The following ANKRD28 variants were observed in gnomAD, a reference collection of about 807,000 sequenced individuals.
ANKRD28 encodes the protein serine/threonine-protein phosphatase 6 regulatory ankyrin repeat subunit A.
Under a neutral mutation model 126.5 loss-of-function variants are expected in ANKRD28, and 44 were observed. That is an observed-to-expected ratio of 0.35 (90% CI 0.27 to 0.45). The LOEUF (loss-of-function observed/expected upper bound fraction) is 0.45, where lower values mean the gene tolerates loss of function less well. Ranked by LOEUF, ANKRD28 falls within the 20% of genes least tolerant of loss-of-function variation. The probability of loss-of-function intolerance (pLI) is 1.00; values close to 1 mark genes in which losing one functional copy is unlikely to be tolerated. For synonymous variants in ANKRD28, 442 were observed against 468.5 expected (o/e 0.94, Z 0.73); for missense variants, 1,110 against 1,316.6 (o/e 0.84, Z 2.43).
At chr3:15,856,579 G>GA (rs907269679) in intron 1 of ANKRD28, among the ~76,000 whole-genome samples, 3 of 151,746 alleles carry the variant, frequency 2.0e-5, no homozygotes, top group South Asian at 4.2e-4. Flanking sequence ...CCTATAAACA[G>GA]AAAAAAAATT....
At chr3:15,818,371 C>A (rs989440636) in intron 1 of ANKRD28, among the ~76,000 whole-genome samples, 2 of 152,128 alleles carry the variant, frequency 1.3e-5, no homozygotes, top group African/African-American at 4.8e-5. Flanking sequence ...GTTTCATGCA[C>A]AAATTTAAAA....
chr3:15,682,500 A>G (rs985296765), intron 21 of ANKRD28, among the ~76,000 whole-genome samples: 2 of 152,182 alleles, frequency 1.3e-5, no homozygotes, highest in Admixed American at 1.3e-4. Flanking sequence ...TTCAGAGGCT[A>G]GTCTGAGGAT....
At position 15,796,849 on chromosome 3, in the gene ANKRD28, G is replaced by C. The variant is rs2125830017; in HGVS notation, c.-328C>G. ...AAAATATTTTTCCTCTACCAAAATA[G>C]TCTTATTGCTCTATCTCTGAAATTT... On this transcript the variant is annotated 5_prime_UTR_variant, in exon 1 of 28. Coordinates refer to ENST00000683139, the MANE Select transcript of ANKRD28 (RefSeq NM_001349278.2). 1.0e-6 allele frequency: 1 copy of C among 988,510 alleles called. No homozygotes were observed. The highest frequency in any genetic ancestry group is 1.7e-5 in the African/African-American group (1 of 57,296). 61.2% of individuals were successfully genotyped at this position (988,510 alleles called of 1,614,324 possible). A position where few individuals can be genotyped will look rare whatever the true frequency, so the allele number is the denominator to read the frequency against.
intron 1 of ANKRD28, among the ~76,000 whole-genome samples, chr3:15,808,331 C>T (rs963998635): frequency 3.3e-5 from 5 of 152,180 alleles, no homozygotes; most frequent in African/African-American, 4.8e-5. Flanking sequence ...TGTTTCACAT[C>T]GATCTTCCCA....
intron 14 of ANKRD28, among the ~76,000 whole-genome samples, chr3:15,696,475 AGTCT>A (rs1279408804): frequency 6.6e-6 from 1 of 152,134 alleles, no homozygotes; most frequent in Non-Finnish European, 1.5e-5. Context: ...ATACCTCAAA[AGTCT>A]GTCAGACAGC....
chr3:15,828,857 G>T (rs906201480), intron 1 of ANKRD28, among the ~76,000 whole-genome samples: 1 of 152,040 alleles, frequency 6.6e-6, no homozygotes, highest in African/African-American at 2.4e-5. Flanking sequence ...TCTAAATCAA[G>T]GTAACTCTGC....
intron 17 of ANKRD28, among the ~76,000 whole-genome samples, chr3:15,693,735 T>C (rs1034764163): frequency 6.0e-4 from 91 of 152,256 alleles, no homozygotes; most frequent in African/African-American, 2.1e-3. Flanking sequence ...GGAGAGGTGA[T>C]GGTGTTTCCA....
At chr3:15,848,190 T>C (rs574820796) in intron 1 of ANKRD28, among the ~76,000 whole-genome samples, 1 of 152,262 alleles carries the variant, frequency 6.6e-6, no homozygotes, top group South Asian at 2.1e-4. Flanking sequence ...CAAACTTAGG[T>C]GAAAACTCAA....
At chr3:15,760,113 A>G (rs1249200373) in intron 3 of ANKRD28, among the ~76,000 whole-genome samples, 1 of 152,170 alleles carries the variant, frequency 6.6e-6, no homozygotes, top group Non-Finnish European at 1.5e-5. Flanking sequence ...TACCTGTGGT[A>G]TATCAACAAA....
intron 6 of ANKRD28, among the ~76,000 whole-genome samples, chr3:15,727,256 A>G (rs945323705): frequency 6.6e-6 from 1 of 152,266 alleles, no homozygotes; most frequent in South Asian, 2.1e-4. Context: ...AACCTTCTGG[A>G]AAGGATTCAT....
chr3:15,679,135 C>CTTTT (rs71809219), intron 23 of ANKRD28, among the ~76,000 whole-genome samples, 166 bp downstream of exon 23: 1 of 143,982 alleles, frequency 6.9e-6, no homozygotes, highest in African/African-American at 2.5e-5. Context: ...TCATCATGCA[C>CTTTT]TTTTTTTTTT....
chr3:15,706,236 C>T (rs142574367), intron 14 of ANKRD28, among the ~76,000 whole-genome samples: 3 of 151,922 alleles, frequency 2.0e-5, no homozygotes, highest in Non-Finnish European at 4.4e-5. Flanking sequence ...GCTATCCCTC[C>T]CCCTCCTCCC....
At position 15,670,295 on chromosome 3, in the gene ANKRD28, T is replaced by C; in HGVS notation, c.3227A>G (p.Asn1076Ser). The part of the protein sequence containing the change: ...EYLYTDVDEL[N>S]DSDSETY ...TCAGTAGGTCTCAGAATCGGAGTCG[T>C]TGAGCTCATCCACGTCAGTGTATAA... is the stretch of plus-strand genomic sequence containing the variant. The change falls in exon 28 of 28, where the codon AAC (asparagine) becomes AGC (serine). Residue 1076 changes from asparagine to serine, a missense_variant. By Grantham distance (46) the Asn-to-Ser change is conservative. Coordinates refer to ENST00000683139, the MANE Select transcript of ANKRD28 (RefSeq NM_001349278.2). 6.2e-7 allele frequency: 1 copy of C among 1,613,804 alleles called. No homozygotes were observed.
chr3:15,859,018 C>T (rs960939369), intron 1 of ANKRD28, among the ~76,000 whole-genome samples: 4 of 152,252 alleles, frequency 2.6e-5, no homozygotes, highest in African/African-American at 9.6e-5. Flanking sequence ...GCCGCCAGTA[C>T]CGCTCCCGCC....
At chr3:15,798,609 G>A (rs895251220), upstream of ANKRD28, among the ~76,000 whole-genome samples, 2 of 151,882 alleles carry the variant, frequency 1.3e-5, no homozygotes, top group African/African-American at 4.8e-5. Flanking sequence ...CATTTGGATA[G>A]GGAATAAAGC....
At chr3:15,744,514 A>G (rs561674444) in intron 4 of ANKRD28, among the ~76,000 whole-genome samples, 1 of 142,636 alleles carries the variant, frequency 7.0e-6, no homozygotes, top group East Asian at 2.2e-4. Context: ...ATGGGGTTTC[A>G]CCATGTTGGC....
chr3:15,681,787 A>G (rs1357647700), intron 21 of ANKRD28, among the ~76,000 whole-genome samples: 1 of 152,210 alleles, frequency 6.6e-6, no homozygotes, highest in African/African-American at 2.4e-5. Context: ...CAATGCCTAC[A>G]GACATTTTTG....
At chr3:15,741,692 C>A (rs1339385025) in intron 4 of ANKRD28, among the ~76,000 whole-genome samples, 2 of 37,524 alleles carry the variant, frequency 5.3e-5, no homozygotes, top group Admixed American at 6.1e-4. Context: ...CCCTTTGGTT[C>A]TATCCTTTTT....
chr3:15,709,821 G>A (rs541689457), intron 12 of ANKRD28, 85 bp from the exon 13 acceptor site: 15 of 778,842 alleles, frequency 1.9e-5, no homozygotes, highest in South Asian at 5.8e-5. Flanking sequence ...ATGAAAGCAT[G>A]TTTTTATATG....
Sources: allele counts gnomAD v4.1 joint callset (sites outside exome capture counted in the v4.1 genomes callset), GRCh38; gene constraint gnomAD v4.1.1; transcripts MANE v1.5; gene names NCBI Gene and HGNC (gene_info 2026-07-23, HGNC 2026-07-21).